The following SAMD3 variants were observed in gnomAD, a reference collection of about 807,000 sequenced individuals.
SAMD3 encodes the protein sterile alpha motif domain-containing protein 3.
In SAMD3, 63 loss-of-function variants were observed where a neutral mutation model predicts 58.5. The observed-to-expected ratio is 1.08, with a 90% CI of 0.88 to 1.33. SAMD3 has a LOEUF of 1.33. Among genes scored for constraint, SAMD3 ranks in the 40% most tolerant of loss-of-function variants. SAMD3 has a pLI of 0.00. For missense variants in SAMD3, 604 were observed against 608.4 expected, an observed-to-expected ratio of 0.99 and a Z score of 0.08; for synonymous variants, 220 against 210.3, an observed-to-expected ratio of 1.05 and a Z score of -0.40.
At chr6:130,262,530 C>T (rs987873063) in intron 2 of SAMD3, among the ~76,000 whole-genome samples, 8 of 150,594 alleles carry the variant, frequency 5.3e-5, no homozygotes, top group Admixed American at 2.0e-4. Context: ...TCCAACCAGA[C>T]CTAAGAGGAA....
chr6:130,323,195 G>T (rs1776643327), intron 1 of SAMD3, among the ~76,000 whole-genome samples: 1 of 152,160 alleles, frequency 6.6e-6, no homozygotes, highest in Non-Finnish European at 1.5e-5. Flanking sequence ...TGAGAGAACA[G>T]GACAACGGAT....
intron 5 of SAMD3, among the ~76,000 whole-genome samples, chr6:130,208,907 C>G (rs112687233): frequency 1.4e-3 from 214 of 152,296 alleles, no homozygotes; most frequent in African/African-American, 4.7e-3. Flanking sequence ...GCCGTGACCT[C>G]CGTATCATAT....
chr6:130,169,513 A>C (rs1422214101), intron 8 of SAMD3, among the ~76,000 whole-genome samples: 1 of 152,122 alleles, frequency 6.6e-6, no homozygotes, highest in Non-Finnish European at 1.5e-5. Flanking sequence ...AACAATGACC[A>C]CCCTATCGTC....
At chr6:130,181,857 A>C (rs1367754689) in intron 7 of SAMD3, among the ~76,000 whole-genome samples, 3 of 152,114 alleles carry the variant, frequency 2.0e-5, no homozygotes, top group Non-Finnish European at 4.4e-5. Flanking sequence ...TAAAAAAAAA[A>C]CACAAGTTCT....
intron 1 of SAMD3, among the ~76,000 whole-genome samples, chr6:130,325,768 A>G (rs1776736676): frequency 6.6e-6 from 1 of 152,160 alleles, no homozygotes; most frequent in Non-Finnish European, 1.5e-5. Flanking sequence ...TTTAAATGTC[A>G]TGGTTCGAGT....
At chr6:130,307,909 T>C (rs1403942673) in intron 2 of SAMD3, among the ~76,000 whole-genome samples, 2 of 152,238 alleles carry the variant, frequency 1.3e-5, no homozygotes, top group Admixed American at 6.5e-5. Context: ...AGTTAAGACC[T>C]GTGCTTTCAT....
At chr6:130,260,431 G>A (rs1774081671) in intron 2 of SAMD3, among the ~76,000 whole-genome samples, 2 of 152,192 alleles carry the variant, frequency 1.3e-5, no homozygotes, top group Admixed American at 1.3e-4. Context: ...TTGCTCAGTT[G>A]ATCACGACCC....
chr6:130,284,333 T>C (rs1775086272), intron 2 of SAMD3, among the ~76,000 whole-genome samples: 1 of 152,192 alleles, frequency 6.6e-6, no homozygotes, highest in South Asian at 2.1e-4. Flanking sequence ...GTATATATGT[T>C]AGCAATTTCA....
intron 1 of SAMD3, among the ~76,000 whole-genome samples, chr6:130,334,002 T>C (rs1777025457): frequency 6.6e-6 from 1 of 152,236 alleles, no homozygotes; most frequent in Non-Finnish European, 1.5e-5. Context: ...GAAAATACCA[T>C]TCTTTTTCTT....
At chr6:130,151,602 C>T (rs896881679) in intron 9 of SAMD3, among the ~76,000 whole-genome samples, 4 of 151,972 alleles carry the variant, frequency 2.6e-5, no homozygotes, top group Admixed American at 6.6e-5. Context: ...CCACCACGCC[C>T]GGCTAATTTT....
At chr6:130,273,103 G>A (rs1454880041) in intron 2 of SAMD3, among the ~76,000 whole-genome samples, 1 of 151,564 alleles carries the variant, frequency 6.6e-6, no homozygotes, top group Non-Finnish European at 1.5e-5. Context: ...CTGGCTCTGA[G>A]GTGACATGAA....
chr6:130,248,334 T>C (rs556583515), intron 2 of SAMD3, among the ~76,000 whole-genome samples: 1 of 152,244 alleles, frequency 6.6e-6, no homozygotes, highest in East Asian at 1.9e-4. Flanking sequence ...AATAACCACT[T>C]AATGTCTAGA....
intron 1 of SAMD3, among the ~76,000 whole-genome samples, chr6:130,338,593 G>A (rs534020974): frequency 6.6e-6 from 1 of 152,296 alleles, no homozygotes; most frequent in African/African-American, 2.4e-5. Context: ...ACCCACAGGG[G>A]CACAGCTGCC....
At chr6:130,283,843 GTTA>G (rs1224242330) in intron 2 of SAMD3, among the ~76,000 whole-genome samples, 1 of 152,086 alleles carries the variant, frequency 6.6e-6, no homozygotes, top group African/African-American at 2.4e-5. Flanking sequence ...AAGAAGGATT[GTTA>G]TTATTATTTT....
intron 9 of SAMD3, among the ~76,000 whole-genome samples, chr6:130,153,128 T>C (rs1425377981): frequency 6.6e-6 from 1 of 152,176 alleles, no homozygotes; most frequent in Non-Finnish European, 1.5e-5. Flanking sequence ...ACTGTTAATA[T>C]TAACACGTGC....
chr6:130,225,332 A>G (rs1767682013), upstream of SAMD3, among the ~76,000 whole-genome samples: 1 of 152,204 alleles, frequency 6.6e-6, no homozygotes, highest in South Asian at 2.1e-4. Flanking sequence ...AGAGGTTTAT[A>G]TAGCGGGGAA....
intron 3 of SAMD3, 32 bp downstream of exon 3, chr6:130,215,163 A>G (rs1195793334): frequency 7.6e-6 from 9 of 1,181,698 alleles, no homozygotes; most frequent in Non-Finnish European, 1.0e-5. Flanking sequence ...AGGCTGCTCA[A>G]TTAAAATTTT....
At chr6:130,245,014 G>A (rs1271205786) in intron 2 of SAMD3, among the ~76,000 whole-genome samples, 2 of 152,166 alleles carry the variant, frequency 1.3e-5, no homozygotes, top group South Asian at 2.1e-4. Flanking sequence ...TGATGTGCTC[G>A]TGGGCTGTAT....
chr6:130,345,137 G>A (rs569168605), intron 1 of SAMD3, among the ~76,000 whole-genome samples: 1 of 152,200 alleles, frequency 6.6e-6, no homozygotes, highest in Non-Finnish European at 1.5e-5. Flanking sequence ...TGAGTGTGGA[G>A]TTGAGCTGAA....
Sources: allele counts gnomAD v4.1 joint callset (sites outside exome capture counted in the v4.1 genomes callset), GRCh38; gene constraint gnomAD v4.1.1; transcripts MANE v1.5; gene names NCBI Gene and HGNC (gene_info 2026-07-23, HGNC 2026-07-21).